ROBO2: variants seen among roughly 807,000 people sequenced by gnomAD.
ROBO2 encodes roundabout homolog 2.
In ROBO2, 53 loss-of-function variants were observed where a neutral mutation model predicts 160.8. That is an observed-to-expected ratio of 0.33 (90% CI 0.26 to 0.41). The LOEUF (loss-of-function observed/expected upper bound fraction) is 0.41. ROBO2 is among the 10% of genes least tolerant of loss of function. The pLI is 1.00. For synonymous variants in ROBO2, 664 were observed against 611.7 expected (o/e 1.09, Z -1.26); for missense variants, 1,577 against 1,722.4 (o/e 0.92, Z 1.49).
intron 2 of ROBO2, among the ~76,000 whole-genome samples, chr3:76,256,299 G>GTC (rs372215718): frequency 0.038 from 3,467 of 92,414 alleles, 89 homozygotes; most frequent in Non-Finnish European, 0.052. Context: ...GACAGAGTGA[G>GTC]TCTCTCTCTC....
chr3:76,547,035 A>C (rs2083148320), intron 2 of ROBO2, among the ~76,000 whole-genome samples: 1 of 151,976 alleles, frequency 6.6e-6, no homozygotes, highest in African/African-American at 2.4e-5. Context: ...GAGAGTCTTC[A>C]AAGTTCAATG....
At chr3:76,419,141 T>C (rs1052005467) in intron 2 of ROBO2, among the ~76,000 whole-genome samples, 2 of 152,158 alleles carry the variant, frequency 1.3e-5, no homozygotes, top group African/African-American at 4.8e-5. Context: ...TAAACACAGA[T>C]AAATCACCAT....
intron 2 of ROBO2, among the ~76,000 whole-genome samples, chr3:77,218,661 C>T (rs145200547): frequency 6.2e-4 from 95 of 152,240 alleles, no homozygotes; most frequent in African/African-American, 2.2e-3. Flanking sequence ...AGTGAGCTAC[C>T]GTGCCCGGCC....
At chr3:76,824,979 G>T (rs1412487734) in intron 2 of ROBO2, among the ~76,000 whole-genome samples, 1 of 152,170 alleles carries the variant, frequency 6.6e-6, no homozygotes, top group African/African-American at 2.4e-5. Context: ...CAGCTTAGGA[G>T]CTCATGAAAC....
intron 2 of ROBO2, among the ~76,000 whole-genome samples, chr3:76,292,216 G>C (rs1057494485): frequency 1.3e-5 from 2 of 152,108 alleles, no homozygotes; most frequent in Non-Finnish European, 2.9e-5. Context: ...CCTGTATTCT[G>C]GTCTAGGCAG....
At chr3:76,233,198 G>T (rs886950184) in intron 2 of ROBO2, among the ~76,000 whole-genome samples, 6 of 151,780 alleles carry the variant, frequency 4.0e-5, no homozygotes, top group Non-Finnish European at 5.9e-5. Context: ...CGGATAGAAT[G>T]CAGTGGCTTG....
intron 2 of ROBO2, among the ~76,000 whole-genome samples, chr3:76,725,528 C>T (rs1225731345): frequency 1.3e-5 from 2 of 152,108 alleles, no homozygotes; most frequent in Non-Finnish European, 2.9e-5. Context: ...GAGACATATG[C>T]CAGATCAAAA....
intron 2 of ROBO2, among the ~76,000 whole-genome samples, chr3:76,314,261 A>G (rs1576369572): frequency 6.6e-6 from 1 of 152,108 alleles, no homozygotes; most frequent in East Asian, 1.9e-4. Context: ...TCTTAACTAC[A>G]TTGCTGACAT....
intron 1 of ROBO2, among the ~76,000 whole-genome samples, chr3:75,923,128 T>G (rs1490621873): frequency 2.0e-5 from 3 of 152,234 alleles, no homozygotes; most frequent in African/African-American, 7.2e-5. Flanking sequence ...GGCCTTATCT[T>G]ATAGAGGAAG....
rs147187401 is a variant in ROBO2 at position 76,692,860 on chromosome 3, A to G, written c.110-405154A>G. Among the ~76,000 whole-genome samples, 256 of 151,980 alleles carry G rather than the reference A, an allele frequency of 1.7e-3. 11 individuals carry two copies. The South Asian group carries it at 0.034, about 20-fold the overall frequency. ...TCAGGGCTCTCCAGAGAAACAGAAC[A>G]CACTCACAAACACACTATATAACTC... On this transcript the variant is annotated intron_variant, in intron 2 of 26. Transcript: ENST00000487694.
chr3:76,018,989 T>C (rs2066485231), intron 2 of ROBO2, among the ~76,000 whole-genome samples: 1 of 151,688 alleles, frequency 6.6e-6, no homozygotes, highest in Non-Finnish European at 1.5e-5. Context: ...TCTCCCCAAA[T>C]GGTTAGGTTT....
intron 1 of ROBO2, among the ~76,000 whole-genome samples, chr3:77,090,138 G>T: frequency 6.6e-6 from 1 of 151,968 alleles, no homozygotes. Context: ...ATCATCCTCA[G>T]CAAAGATAAA....
chr3:76,305,769 A>G (rs2071314769), intron 2 of ROBO2, among the ~76,000 whole-genome samples: 1 of 150,454 alleles, frequency 6.6e-6, no homozygotes, highest in African/African-American at 2.5e-5. Context: ...AAAAAAAAAA[A>G]TTGTCCACTT....
chr3:77,364,856 T>C (rs774233988), intron 2 of ROBO2, among the ~76,000 whole-genome samples: 53 of 152,264 alleles, frequency 3.5e-4, no homozygotes, highest in Non-Finnish European at 6.8e-4. Context: ...AAAGTTTTAA[T>C]TCATATGCAT....
At chr3:76,334,147 AAT>A (rs540717384) in intron 2 of ROBO2, among the ~76,000 whole-genome samples, 9 of 152,074 alleles carry the variant, frequency 5.9e-5, no homozygotes, top group African/African-American at 1.9e-4. Flanking sequence ...ATAATAAAAA[AAT>A]ATATATATAT....
intron 6 of ROBO2, among the ~76,000 whole-genome samples, chr3:77,541,860 A>G (rs2092477498): frequency 6.6e-6 from 1 of 152,202 alleles, no homozygotes; most frequent in South Asian, 2.1e-4. Context: ...TATAACAGGC[A>G]TATTCTTCTG....
intron 20 of ROBO2, among the ~76,000 whole-genome samples, chr3:77,604,783 T>C (rs1664932623): frequency 6.6e-6 from 1 of 152,304 alleles, no homozygotes; most frequent in South Asian, 2.1e-4. Flanking sequence ...ACTAATCATA[T>C]GGTATTATAA....
At chr3:75,957,492 T>C (rs1346316529) in intron 2 of ROBO2, among the ~76,000 whole-genome samples, 1 of 151,468 alleles carries the variant, frequency 6.6e-6, no homozygotes, top group Non-Finnish European at 1.5e-5. Flanking sequence ...TTCCCGCATA[T>C]AGTTTAGTTT....
intron 2 of ROBO2, among the ~76,000 whole-genome samples, chr3:77,241,274 A>G (rs933596448): frequency 4.6e-5 from 7 of 152,232 alleles, no homozygotes; most frequent in Admixed American, 2.0e-4. Context: ...CTATATACTG[A>G]TAAATCAAGG....
Sources: allele counts gnomAD v4.1 joint callset (sites outside exome capture counted in the v4.1 genomes callset), GRCh38; gene constraint gnomAD v4.1.1; transcripts MANE v1.5; gene names NCBI Gene and HGNC (gene_info 2026-07-23, HGNC 2026-07-21).